Variants in LPP observed in about 807,000 individuals in gnomAD.
LPP encodes the protein lipoma-preferred partner.
In LPP, 38 loss-of-function variants were observed where a neutral mutation model predicts 60.4. The observed-to-expected ratio is 0.63, with a 90% CI of 0.49 to 0.83. The LOEUF (loss-of-function observed/expected upper bound fraction) is 0.83. LPP is among the 40% of genes least tolerant of loss of function. The pLI, the probability that LPP is intolerant of heterozygous loss-of-function variation, is 0.00. For missense variants in LPP, 902 were observed against 783.6 expected, an observed-to-expected ratio of 1.15 and a Z score of -1.80; for synonymous variants, 328 against 290.8, an observed-to-expected ratio of 1.13 and a Z score of -1.30.
intron 3 of LPP, among the ~76,000 whole-genome samples, chr3:188,369,287 A>C (rs1465349165): frequency 4.6e-5 from 7 of 152,142 alleles, no homozygotes; most frequent in Admixed American, 4.6e-4. Context: ...TGGGGATCAC[A>C]GGAAAGTTTT....
intron 4 of LPP, among the ~76,000 whole-genome samples, chr3:188,440,016 A>G (rs1296731159): frequency 6.6e-6 from 1 of 152,202 alleles, no homozygotes; most frequent in Non-Finnish European, 1.5e-5. Flanking sequence ...TTAACTGTGC[A>G]TTCTCGTGGT....
chr3:188,780,484 A>C (rs11920167), intron 9 of LPP, among the ~76,000 whole-genome samples: 33,096 of 152,064 alleles, frequency 0.22, 4,010 homozygotes, highest in Middle Eastern at 0.29. Context: ...AGGCTTTGGT[A>C]AAGAGGGTGA....
chr3:188,203,420 A>T (rs866954081), intron 1 of LPP, among the ~76,000 whole-genome samples: 2,185 of 92,446 alleles, frequency 0.024, 83 homozygotes, highest in African/African-American at 0.07. Context: ...ATATATATAT[A>T]ATATAAATAT....
chr3:188,473,126 A>T (rs867472034), intron 4 of LPP, among the ~76,000 whole-genome samples: 4 of 152,106 alleles, frequency 2.6e-5, no homozygotes, highest in African/African-American at 7.2e-5. Flanking sequence ...TTAAAACATA[A>T]ATTTTAACTT....
chr3:188,237,703 G>T lies in LPP; in HGVS notation c.-67+12176G>T, dbSNP rs562183456. On this transcript the variant is annotated intron_variant, in intron 2 of 11. Transcript: ENST00000617246. ...TTTTCTGAGCAGTAGGTAACAGTGG[G>T]CTTAAAATATTCTGTAAACCATGCT... 2.1e-5 allele frequency among the ~76,000 whole-genome samples: 3 copies of T among 144,268 alleles called. No individual in the cohort carries two copies. In the East Asian group the frequency reaches 6.0e-4, roughly 29 times the overall value. The allele number at this position is 144,268 out of a possible 152,430, so 94.6% of individuals were successfully genotyped here.
chr3:188,321,894 C>A (rs189901664), intron 2 of LPP, among the ~76,000 whole-genome samples: 3 of 152,254 alleles, frequency 2.0e-5, no homozygotes, highest in East Asian at 3.9e-4. Context: ...TAAGGCATCC[C>A]ATTTTCTTAA....
intron 2 of LPP, among the ~76,000 whole-genome samples, chr3:188,277,141 T>C (rs896993177): frequency 1.2e-4 from 18 of 152,172 alleles, no homozygotes; most frequent in African/African-American, 4.3e-4. Context: ...TGACCTCAAG[T>C]GATCCACCCG....
intron 2 of LPP, among the ~76,000 whole-genome samples, chr3:188,243,907 G>A (rs141051574): frequency 1.1e-4 from 16 of 151,444 alleles, no homozygotes; most frequent in African/African-American, 3.6e-4. Context: ...ACAGAGTCTC[G>A]CTCTGTCGCG....
chr3:188,699,410 T>A (rs930755264), intron 7 of LPP, among the ~76,000 whole-genome samples: 2 of 150,510 alleles, frequency 1.3e-5, no homozygotes, highest in African/African-American at 4.8e-5. Context: ...TTCAGAATCA[T>A]CCATCCTTGG....
intron 1 of LPP, among the ~76,000 whole-genome samples, chr3:188,211,050 G>A (rs1397122534): frequency 6.6e-6 from 1 of 152,012 alleles, no homozygotes; most frequent in Non-Finnish European, 1.5e-5. Flanking sequence ...GTTTGCTTAC[G>A]GCATGCTTGT....
intron 4 of LPP, among the ~76,000 whole-genome samples, chr3:188,415,045 A>C (rs1031658881): frequency 5.3e-5 from 8 of 152,274 alleles, no homozygotes; most frequent in African/African-American, 1.9e-4. Flanking sequence ...GTTCCTTAAT[A>C]AGGTGATGGG....
intron 2 of LPP, among the ~76,000 whole-genome samples, chr3:188,253,788 C>T (rs1730739577): frequency 6.6e-6 from 1 of 152,158 alleles, no homozygotes; most frequent in Admixed American, 6.5e-5. Context: ...TGTGCTTTCC[C>T]TCCCCTCAGT....
intron 7 of LPP, among the ~76,000 whole-genome samples, chr3:188,657,281 T>TATATAATATATATATATATATATATAATA (rs10529848): frequency 7.0e-6 from 1 of 143,576 alleles, no homozygotes; most frequent in Non-Finnish European, 1.5e-5. Context: ...TATATATATA[T>TATATAATATATATATATATATATATAATA]TTCCAAAAGC....
intron 4 of LPP, among the ~76,000 whole-genome samples, chr3:188,454,023 C>A (rs569311660): frequency 1.9e-4 from 29 of 152,180 alleles, no homozygotes; most frequent in Admixed American, 1.2e-3. Flanking sequence ...TTTTTGAATA[C>A]TTAGCATATC....
intron 6 of LPP, among the ~76,000 whole-genome samples, chr3:188,560,728 G>T (rs1428132390): frequency 6.6e-6 from 1 of 152,022 alleles, no homozygotes; most frequent in Non-Finnish European, 1.5e-5. Context: ...TCTTGCCATT[G>T]CCCCTGAAGT....
At chr3:188,471,574 A>G (rs1801858783) in intron 4 of LPP, among the ~76,000 whole-genome samples, 2 of 152,192 alleles carry the variant, frequency 1.3e-5, no homozygotes, top group Admixed American at 6.5e-5. Flanking sequence ...GATAAGGTAA[A>G]TAGAAAAATA....
intron 7 of LPP, among the ~76,000 whole-genome samples, chr3:188,699,499 T>G (rs1863948587): frequency 6.6e-6 from 1 of 152,224 alleles, no homozygotes; most frequent in Non-Finnish European, 1.5e-5. Flanking sequence ...TATGAGGAAG[T>G]AGAGATTTTA....
chr3:188,858,853 G>T (rs866662680), intron 9 of LPP, among the ~76,000 whole-genome samples: 2 of 152,074 alleles, frequency 1.3e-5, no homozygotes, highest in Non-Finnish European at 2.9e-5. Flanking sequence ...ACTTTGGGAG[G>T]CCGAGGTGGG....
At chr3:188,516,872 A>G (rs1278367437) in intron 5 of LPP, among the ~76,000 whole-genome samples, 2 of 151,994 alleles carry the variant, frequency 1.3e-5, no homozygotes, top group Non-Finnish European at 2.9e-5. Flanking sequence ...TGTATAGGCT[A>G]ATGTTTGAAA....
Sources: allele counts gnomAD v4.1 joint callset (sites outside exome capture counted in the v4.1 genomes callset), GRCh38; gene constraint gnomAD v4.1.1; transcripts MANE v1.5; gene names NCBI Gene and HGNC (gene_info 2026-07-23, HGNC 2026-07-21).